SCRN3: variants seen among roughly 807,000 people sequenced by gnomAD.
SCRN3 encodes secernin-3.
In SCRN3, 39 loss-of-function variants were observed where a neutral mutation model predicts 43.1. The observed-to-expected ratio is 0.91, with a 90% CI of 0.70 to 1.18. SCRN3 has a LOEUF of 1.18. Among genes scored for constraint, SCRN3 ranks in the 50% most tolerant of loss-of-function variants. The probability of loss-of-function intolerance (pLI) is 0.00; values close to 1 mark genes in which losing one functional copy is unlikely to be tolerated. For synonymous variants in SCRN3, 147 were observed against 163.1 expected, an observed-to-expected ratio of 0.90 and a Z score of 0.75; for missense variants, 484 against 498.0, an observed-to-expected ratio of 0.97 and a Z score of 0.27.
chr2:174,425,081 G>A (rs141031770), intron 7 of SCRN3, among the ~76,000 whole-genome samples: 11 of 152,176 alleles, frequency 7.2e-5, no homozygotes, highest in African/African-American at 2.2e-4. Flanking sequence ...GTTTCTTAAC[G>A]TAATGTTCTT....
At chr2:174,399,893 C>T (rs768844466) in intron 2 of SCRN3, 29 bp from the exon 3 acceptor site, 32 of 1,243,070 alleles carry the variant, frequency 2.6e-5, no homozygotes, top group Non-Finnish European at 3.2e-5. Flanking sequence ...GTGGTTCTTG[C>T]TATGACTTTT....
intron 5 of SCRN3, among the ~76,000 whole-genome samples, chr2:174,412,891 G>T (rs4972658): frequency 3.0e-5 from 4 of 133,300 alleles, no homozygotes; most frequent in African/African-American, 8.7e-5. Context: ...TTTTGAGATG[G>T]GGTTTCACTC....
intron 6 of SCRN3, among the ~76,000 whole-genome samples, chr2:174,423,780 T>C (rs111518912): frequency 0.32 from 31,655 of 97,828 alleles, 4,844 homozygotes; most frequent in East Asian, 0.7. Context: ...AGTCTTCCTT[T>C]TTTTTTTTTT....
Position 174,427,947 on chromosome 2 carries a change from T to C in SCRN3, c.*52T>C. ...TCTTAGTGATCAGTGGTCAGTAATC[T>C]TCAAAGTCAGAATCTATCACCTTGG... On this transcript the variant is annotated 3_prime_UTR_variant, in exon 8 of 8. Coordinates refer to ENST00000272732, the MANE Select transcript of SCRN3 (RefSeq NM_024583.5). 1 of 1,220,978 alleles carries C rather than the reference T, an allele frequency of 8.2e-7. No individual in the cohort carries two copies. The highest frequency in any genetic ancestry group is 1.2e-6 in the Non-Finnish European group (1 of 854,958). The allele number at this position is 1,220,978 out of a possible 1,614,324, so 75.6% of individuals were successfully genotyped here.
Position 174,424,624 on chromosome 2 carries a change from C to T in SCRN3, c.1067C>T (p.Ala356Val). ...RHPLYQKHQQALEVVNNNEEK... is the reference protein window; with the variant it reads ...RHPLYQKHQQVLEVVNNNEEK... ...CCACTCTACCAAAAACATCAACAGG[C>T]ATTGGAAGTAGTAAATAATAATGAG... is the stretch of plus-strand genomic sequence containing the variant. Residue 356 changes from alanine (A) to valine (V), a missense_variant, in exon 7 of 8, where the codon GCA becomes GTA. Physicochemically the swap from Ala to Val is moderately conservative, Grantham distance 64. Coordinates refer to ENST00000272732, the MANE Select transcript of SCRN3 (RefSeq NM_024583.5). 6.2e-7 allele frequency: 1 copy of T among 1,611,866 alleles called. No homozygotes were observed.
chr2:174,423,663 G>T lies in SCRN3; in HGVS notation c.917+616G>T, dbSNP rs111964859. 6.9e-3 allele frequency among the ~76,000 whole-genome samples: 1,043 copies of T among 151,776 alleles called. 14 individuals are homozygous for T. The highest frequency in any genetic ancestry group is 0.024 in the African/African-American group (981 of 41,338). On this transcript the variant is annotated intron_variant, in intron 6 of 7. Coordinates refer to ENST00000272732, the MANE Select transcript of SCRN3 (RefSeq NM_024583.5). ...TTTTTGTATTTTTAGTAGAGACAGG[G>T]TTTCACTGTGTTAGCCAGGATGGTC...
At chr2:174,415,353 T>C (rs992430198) in intron 5 of SCRN3, among the ~76,000 whole-genome samples, 3 of 152,206 alleles carry the variant, frequency 2.0e-5, no homozygotes, top group Admixed American at 1.3e-4. Context: ...AAATGGCATG[T>C]TACAATTTTA....
rs757805541 is a variant in SCRN3 at position 174,427,763 on chromosome 2, A to G, written c.1143A>G (p.Leu381=). ...LDNMRKLEKE[L]FREMESILQN... ...ACATGAGGAAACTGGAGAAAGAACT[A>G]TTCAGAGAGATGGAATCAATCCTTC... The change falls in exon 8 of 8, where the codon CTA becomes CTG. Residue 381 remains leucine, a synonymous_variant. Coordinates refer to ENST00000272732, the MANE Select transcript of SCRN3 (RefSeq NM_024583.5). 9.3e-6 allele frequency: 15 copies of G among 1,612,666 alleles called. No individual in the cohort carries two copies. Among genetic ancestry groups the G allele is most frequent in the South Asian group, 2.2e-5 (2 of 90,934 alleles).
In SCRN3 at chr2:174,404,017, G is replaced by C. The variant is rs1685592732; in HGVS notation, c.542-86G>C. ...AGAAGTCTATATTTATGTTTACATA[G>C]TGATTAGGAATCATGATATACAGAT... is the stretch of plus-strand genomic sequence containing the variant. On this transcript the variant is annotated intron_variant, in intron 4 of 7. Transcript: ENST00000272732. The C allele has an allele frequency of 3.0e-6, 3 of 988,888 alleles. No individual in the cohort carries two copies. In the African/African-American group the frequency reaches 4.9e-5, roughly 16 times the overall value. 61.3% of individuals were successfully genotyped at this position (988,888 alleles called of 1,614,324 possible). A position where few individuals can be genotyped will look rare whatever the true frequency, so the allele number is the denominator to read the frequency against.
chr2:174,398,709 T>C (rs1186427259), intron 2 of SCRN3, among the ~76,000 whole-genome samples: 1 of 152,204 alleles, frequency 6.6e-6, no homozygotes. Flanking sequence ...AGATTTAAAG[T>C]CAGCTGTCAA....
At chr2:174,412,769 C>G (rs1685965205) in intron 5 of SCRN3, among the ~76,000 whole-genome samples, 1 of 151,414 alleles carries the variant, frequency 6.6e-6, no homozygotes, top group Non-Finnish European at 1.5e-5. Context: ...CTACCCTAAG[C>G]TGCACATAGG....
chr2:174,418,169 T>C (rs77175858), intron 5 of SCRN3, among the ~76,000 whole-genome samples: 4,333 of 152,318 alleles, frequency 0.028, 92 homozygotes, highest in Non-Finnish European at 0.045. Context: ...AACTGAATCA[T>C]AGATTTGAAA....
chr2:174,397,345 G>C (rs563189356), intron 1 of SCRN3: 2 of 983,840 alleles, frequency 2.0e-6, no homozygotes, highest in Admixed American at 6.1e-5. Context: ...GCAAAATAAG[G>C]ACCTTTAGGT....
At chr2:174,409,321 C>T (rs1440909193) in intron 5 of SCRN3, among the ~76,000 whole-genome samples, 12 of 137,880 alleles carry the variant, frequency 8.7e-5, no homozygotes, top group African/African-American at 2.8e-4. Context: ...AGCTCCTTTA[C>T]GCACTTCTCT....
intron 2 of SCRN3, 49 bp downstream of exon 2, chr2:174,398,491 TAA>T (rs761509388): frequency 2.0e-6 from 3 of 1,482,090 alleles, no homozygotes; most frequent in Non-Finnish European, 2.7e-6. Context: ...AAAAATATCA[TAA>T]AGTTATTTCT....
intron 5 of SCRN3, among the ~76,000 whole-genome samples, chr2:174,412,928 C>T (rs921374732): frequency 6.8e-5 from 9 of 132,396 alleles, no homozygotes; most frequent in Non-Finnish European, 1.1e-4. Context: ...ATTGCAATGG[C>T]GCGATCTCAG....
chr2:174,404,353 T>A, intron 5 of SCRN3, 38 bp downstream of exon 5: 1 of 1,431,254 alleles, frequency 7.0e-7, no homozygotes, highest in Non-Finnish European at 9.8e-7. Context: ...GATGACAAAC[T>A]ACATTTTGTG....
At chr2:174,425,048 G>C (rs2105631043) in intron 7 of SCRN3, among the ~76,000 whole-genome samples, 1 of 152,160 alleles carries the variant, frequency 6.6e-6, no homozygotes, top group South Asian at 2.1e-4. Context: ...AAATTACAAA[G>C]CCTCCAAAGA....
At chr2:174,419,569 G>A (rs1385896753) in intron 5 of SCRN3, among the ~76,000 whole-genome samples, 1 of 151,624 alleles carries the variant, frequency 6.6e-6, no homozygotes, top group Non-Finnish European at 1.5e-5. Flanking sequence ...GGTAATAGAC[G>A]GCGGACTTGC....
Sources: allele counts gnomAD v4.1 joint callset (sites outside exome capture counted in the v4.1 genomes callset), GRCh38; gene constraint gnomAD v4.1.1; transcripts MANE v1.5; gene names NCBI Gene and HGNC (gene_info 2026-07-23, HGNC 2026-07-21).